CSMD1: variants seen among roughly 807,000 people sequenced by gnomAD.
CSMD1 encodes CUB and Sushi multiple domains 1.
A neutral mutation model predicts 417.5 loss-of-function variants in CSMD1; 213 were observed. The observed-to-expected ratio is 0.51, with a 90% confidence interval of 0.46 to 0.57. The LOEUF is 0.57. CSMD1 is among the 20% of genes least tolerant of loss of function. The pLI is 0.00. For synonymous variants in CSMD1, 2,862 were observed against 1,736.8 expected (o/e 1.65, Z -16.11); for missense variants, 6,923 against 4,529.7 (o/e 1.53, Z -15.17).
chr8:3,545,592 A>G (rs1798624714), intron 10 of CSMD1, among the ~76,000 whole-genome samples: 1 of 152,218 alleles, frequency 6.6e-6, no homozygotes, highest in Non-Finnish European at 1.5e-5. Context: ...AAGGCTACTT[A>G]TCATGGGCTC....
intron 5 of CSMD1, among the ~76,000 whole-genome samples, chr8:3,831,037 G>T (rs117010936): frequency 1.3e-5 from 2 of 152,060 alleles, no homozygotes; most frequent in Non-Finnish European, 2.9e-5. Flanking sequence ...AGCTTAATGC[G>T]CGAACAGGGT....
rs185782935 is a variant in CSMD1 at position 3,716,940 on chromosome 8, G to A, written c.932-8449C>T. ...ACATCCTATTTAATTCCACCAAAAT[G>A]TTATAAGATTTATGCTACTCCTACA... On this transcript the variant is annotated intron_variant, in intron 6 of 69. Coordinates refer to ENST00000635120, the MANE Select transcript of CSMD1 (RefSeq NM_033225.6). Among the ~76,000 whole-genome samples, 92 of 152,198 alleles carry A rather than the reference G, an allele frequency of 6.0e-4. 1 individual carries two copies. Among genetic ancestry groups the A allele is most frequent in the Non-Finnish European group, 1.5e-4 (10 of 68,010 alleles).
chr8:4,068,390 T>G (rs2042528), intron 3 of CSMD1, among the ~76,000 whole-genome samples: 2 of 151,902 alleles, frequency 1.3e-5, no homozygotes, highest in Admixed American at 6.6e-5. Flanking sequence ...AGTGTGACTT[T>G]TATTTCACAC....
At chr8:4,481,462 ATG>A (rs1801098181) in intron 2 of CSMD1, among the ~76,000 whole-genome samples, 1 of 152,236 alleles carries the variant, frequency 6.6e-6, no homozygotes, top group East Asian at 1.9e-4. Flanking sequence ...TAAAATAATG[ATG>A]TGTTCAGCAT....
At chr8:4,871,401 A>G (rs1469077142) in intron 1 of CSMD1, among the ~76,000 whole-genome samples, 1 of 152,086 alleles carries the variant, frequency 6.6e-6, no homozygotes, top group Non-Finnish European at 1.5e-5. Flanking sequence ...ACCTGAATAC[A>G]TTTATCTAAC....
At chr8:4,595,747 G>T (rs1800241562) in intron 2 of CSMD1, among the ~76,000 whole-genome samples, 1 of 152,122 alleles carries the variant, frequency 6.6e-6, no homozygotes, top group South Asian at 2.1e-4. Flanking sequence ...AAAAAACAAA[G>T]CAAAACAAAT....
chr8:3,550,021 A>G (rs1475524813), intron 10 of CSMD1, among the ~76,000 whole-genome samples: 1 of 152,342 alleles, frequency 6.6e-6, no homozygotes, highest in Admixed American at 6.5e-5. Context: ...CCACCTTCTT[A>G]CATTTAACTC....
intron 1 of CSMD1, among the ~76,000 whole-genome samples, chr8:4,648,360 T>A (rs1370059860): frequency 6.6e-6 from 1 of 152,174 alleles, no homozygotes; most frequent in Non-Finnish European, 1.5e-5. Context: ...CCACATTCTC[T>A]GTGATCTACG....
chr8:3,567,888 C>G (rs535431058), intron 10 of CSMD1, among the ~76,000 whole-genome samples: 174 of 152,246 alleles, frequency 1.1e-3, no homozygotes, highest in Non-Finnish European at 2.0e-3. Context: ...CATCACTCTC[C>G]TTCTTCCTTC....
At chr8:3,904,309 T>A (rs1418119144) in intron 5 of CSMD1, among the ~76,000 whole-genome samples, 5 of 152,208 alleles carry the variant, frequency 3.3e-5, no homozygotes, top group African/African-American at 1.2e-4. Flanking sequence ...CTTTCTTTCA[T>A]CCCAACATCA....
chr8:4,851,955 C>A (rs1388542647), intron 1 of CSMD1, among the ~76,000 whole-genome samples: 1 of 152,144 alleles, frequency 6.6e-6, no homozygotes, highest in African/African-American at 2.4e-5. Flanking sequence ...GCTGAGTAAA[C>A]CACTAGTCTA....
chr8:4,087,316 G>T (rs1046452744), intron 3 of CSMD1, among the ~76,000 whole-genome samples: 3 of 152,004 alleles, frequency 2.0e-5, no homozygotes, highest in South Asian at 4.2e-4. Flanking sequence ...GATTTTCCAG[G>T]GACCATTCAC....
chr8:4,979,187 G>A (rs574655570), intron 1 of CSMD1, among the ~76,000 whole-genome samples: 1 of 152,252 alleles, frequency 6.6e-6, no homozygotes, highest in South Asian at 2.1e-4. Context: ...GAACTAGGAG[G>A]ACACATCTCA....
At chr8:4,583,496 G>T (rs940421403) in intron 2 of CSMD1, among the ~76,000 whole-genome samples, 1 of 151,426 alleles carries the variant, frequency 6.6e-6, no homozygotes, top group African/African-American at 2.4e-5. Flanking sequence ...GTCTAGCTCA[G>T]GGATTGTAAA....
chr8:4,874,622 C>G (rs1026630483), intron 1 of CSMD1, among the ~76,000 whole-genome samples: 2 of 151,768 alleles, frequency 1.3e-5, no homozygotes, highest in African/African-American at 4.8e-5. Context: ...AACTCCTGAC[C>G]TCAGGTGATC....
At chr8:4,346,497 T>C (rs1584934313) in intron 3 of CSMD1, among the ~76,000 whole-genome samples, 2 of 152,274 alleles carry the variant, frequency 1.3e-5, no homozygotes, top group African/African-American at 2.4e-5. Flanking sequence ...GATAGCCTCA[T>C]GACATTATTG....
rs969899019 is a variant in CSMD1, at chr8:4,624,184, G to T, written c.302+13158C>A. On this transcript the variant is annotated intron_variant, in intron 2 of 69. Coordinates refer to ENST00000635120, the MANE Select transcript of CSMD1 (RefSeq NM_033225.6). ...AGTAAAACTTGGCAAATCAACTACT[G>T]TTCCAAGAATGAGATGACCTCTATT... 3.3e-5 allele frequency among the ~76,000 whole-genome samples: 5 copies of T among 152,220 alleles called. No individual in the cohort carries two copies. The East Asian group carries it at 9.7e-4, about 29-fold the overall frequency.
intron 37 of CSMD1, among the ~76,000 whole-genome samples, chr8:3,169,055 T>C (rs147663135): frequency 2.5e-4 from 38 of 152,328 alleles, no homozygotes; most frequent in African/African-American, 8.7e-4. Flanking sequence ...AGGACTATTT[T>C]GGTCTACGTA....
At chr8:4,840,095 T>C (rs909985895) in intron 1 of CSMD1, among the ~76,000 whole-genome samples, 14 of 64,676 alleles carry the variant, frequency 2.2e-4, no homozygotes, top group African/African-American at 5.9e-4. Context: ...AGAGCCTACC[T>C]GTCCACTCAC....
Sources: allele counts gnomAD v4.1 joint callset (sites outside exome capture counted in the v4.1 genomes callset), GRCh38; gene constraint gnomAD v4.1.1; transcripts MANE v1.5; gene names NCBI Gene and HGNC (gene_info 2026-07-23, HGNC 2026-07-21).